Variants in TBC1D32 observed in about 807,000 individuals in gnomAD.
The protein encoded by TBC1D32 is TBC1 domain family member 32.
A neutral mutation model predicts 170.3 loss-of-function variants in TBC1D32; 151 were observed. The observed-to-expected ratio is 0.89, with a 90% CI of 0.78 to 1.01. The LOEUF (loss-of-function observed/expected upper bound fraction) is 1.01. Among genes scored for constraint, TBC1D32 ranks in the 50% least tolerant of loss-of-function variants. TBC1D32 has a pLI of 0.00. For missense variants in TBC1D32, 1,464 were observed against 1,457.1 expected (o/e 1.00, Z -0.08); for synonymous variants, 498 against 488.0 (o/e 1.02, Z -0.27).
In TBC1D32 at chr6:121,317,670, T is replaced by C; in HGVS notation, c.320A>G (p.Tyr107Cys). Residue 107 changes from tyrosine (Y) to cysteine (C), a missense_variant and splice_region_variant, in exon 3 of 32, where the codon TAC becomes TGC. Physicochemically the swap from Tyr to Cys is radical, Grantham distance 194. Transcript: ENST00000398212. ...CTTCAGGTAATGCATCATTTCTTTG[T>C]ACCTTTAAATTCAAGGTAGTCTTAA... ...VTKRTQESKE[Y>C]KEMMHYLKNI... 6.3e-7 allele frequency: 1 copy of C among 1,589,776 alleles called. No individual in the cohort carries two copies. Among genetic ancestry groups the C allele is most frequent in the East Asian group, 2.3e-5 (1 of 43,892 alleles).
chr6:121,113,110 A>G lies in TBC1D32; in HGVS notation c.3121T>C (p.Cys1041Arg), dbSNP rs1779351944. The part of the protein sequence containing the change: ...ENDLTWVLKH[C>R]ERFLKQQQTS... ...TGCTGCTGTTTCAGGAATCTCTCAC[A>G]ATGCTTTAAAACCCAGGTAAGATCA... Residue 1041 changes from cysteine (C) to arginine (R), a missense_variant, in exon 28 of 32, where the codon TGT (cysteine) becomes CGT (arginine). Cys to Arg is a radical substitution (Grantham distance 180). Around this residue, in one of 3 missense-constraint regions of TBC1D32, gnomAD observed 1,363 missense variants for 1,338.1 expected, o/e 1.02. Coordinates refer to ENST00000398212, the MANE Select transcript of TBC1D32 (RefSeq NM_152730.6). 6.2e-7 allele frequency: 1 copy of G among 1,611,844 alleles called. No homozygotes were observed. The highest frequency in any genetic ancestry group is 1.1e-5 in the South Asian group (1 of 90,762).
chr6:121,329,318 C>A (rs1810895478), intron 1 of TBC1D32, among the ~76,000 whole-genome samples: 1 of 151,978 alleles, frequency 6.6e-6, no homozygotes, highest in Admixed American at 6.6e-5. Context: ...CTCATTGGTA[C>A]AAGTTTGTTT....
At chr6:121,110,229 C>T (rs1213801947) in intron 29 of TBC1D32, among the ~76,000 whole-genome samples, 11 of 147,650 alleles carry the variant, frequency 7.5e-5, no homozygotes, top group Middle Eastern at 7.1e-3. Flanking sequence ...CCAGGCTGGG[C>T]GACAGAGTGA....
upstream of TBC1D32, chr6:121,334,487 C>CTGCGCA (rs1345639973): frequency 1.9e-6 from 3 of 1,548,694 alleles, no homozygotes; most frequent in Non-Finnish European, 2.6e-6. Flanking sequence ...AAGCCGCGCA[C>CTGCGCA]TGCGCACGCG....
intron 22 of TBC1D32, among the ~76,000 whole-genome samples, chr6:121,191,914 T>A (rs1336002887): frequency 6.6e-6 from 1 of 151,938 alleles, no homozygotes; most frequent in African/African-American, 2.4e-5. Context: ...AGCCTACATC[T>A]TTCTCCTGTG....
intron 8 of TBC1D32, 140 bp from the exon 9 acceptor site, chr6:121,303,901 A>C: frequency 8.0e-6 from 4 of 500,844 alleles, no homozygotes; most frequent in Non-Finnish European, 1.3e-5. Context: ...ATTCATACTC[A>C]ATGTTTCTGC....
chr6:121,228,570 C>A (rs535828995), intron 20 of TBC1D32, among the ~76,000 whole-genome samples: 2 of 151,830 alleles, frequency 1.3e-5, no homozygotes, highest in South Asian at 4.2e-4. Flanking sequence ...TTTCTAGTTT[C>A]TAGTTCTTGA....
chr6:121,313,105 GGTGTGTGTGT>G (rs71018125), intron 3 of TBC1D32, among the ~76,000 whole-genome samples: 9,304 of 111,012 alleles, frequency 0.084, 478 homozygotes, highest in Middle Eastern at 0.12. Flanking sequence ...AAGCTAAGGT[GGTGTGTGTGT>G]GTGTGTGTGT....
chr6:121,141,002 A>G (rs1468531927), intron 24 of TBC1D32, among the ~76,000 whole-genome samples: 2 of 152,196 alleles, frequency 1.3e-5, no homozygotes, highest in African/African-American at 4.8e-5. Context: ...AATGGAAAAA[A>G]TACAGGAGAA....
chr6:121,081,139 A>C (rs1193507311), intron 31 of TBC1D32, among the ~76,000 whole-genome samples: 3 of 152,194 alleles, frequency 2.0e-5, no homozygotes, highest in Non-Finnish European at 4.4e-5. Context: ...AGCTACCAAA[A>C]AAACAAAAGC....
chr6:121,226,999 G>C (rs1171142481), intron 20 of TBC1D32, among the ~76,000 whole-genome samples: 1 of 149,610 alleles, frequency 6.7e-6, no homozygotes, highest in Non-Finnish European at 1.5e-5. Context: ...GGAAGAAGAA[G>C]AATTGTCTTG....
intron 30 of TBC1D32, among the ~76,000 whole-genome samples, chr6:121,099,450 T>C (rs1328431147): frequency 1.3e-5 from 2 of 151,954 alleles, no homozygotes; most frequent in Non-Finnish European, 2.9e-5. Flanking sequence ...CATTTAATTT[T>C]TTGTACTCTA....
intron 20 of TBC1D32, chr6:121,237,100 T>C (rs1043848651): frequency 1.3e-5 from 2 of 152,036 alleles, no homozygotes; most frequent in African/African-American, 4.8e-5. Flanking sequence ...TCTTAGCCTT[T>C]GTTTATTTTA....
intron 26 of TBC1D32, among the ~76,000 whole-genome samples, chr6:121,119,055 A>G (rs1779986827): frequency 6.6e-6 from 1 of 152,104 alleles, no homozygotes; most frequent in Admixed American, 6.6e-5. Flanking sequence ...CCTGCTCTCT[A>G]TTAACGCTTC....
intron 30 of TBC1D32, among the ~76,000 whole-genome samples, chr6:121,102,532 C>A (rs1778234260): frequency 1.3e-5 from 2 of 152,074 alleles, no homozygotes; most frequent in Non-Finnish European, 2.9e-5. Context: ...AACTGGCTAG[C>A]CATATGTAGA....
At chr6:121,127,368 T>A (rs1192224816) in intron 25 of TBC1D32, among the ~76,000 whole-genome samples, 1 of 152,196 alleles carries the variant, frequency 6.6e-6, no homozygotes, top group Non-Finnish European at 1.5e-5. Context: ...TCTCATAATA[T>A]TTTAATGGCT....
rs1583586217 is a variant in TBC1D32 at position 121,289,025 on chromosome 6, T to C, written c.1372+3028A>G. On this transcript the variant is annotated intron_variant, in intron 12 of 31. Transcript: ENST00000398212. ...ATCTCAAAATAATAAGAGCTATCTA[T>C]GACAAACCTACAGCCAATATCATAC... Among the ~76,000 whole-genome samples the C allele has an allele frequency of 2.0e-5, 3 of 152,286 alleles. No individual in the cohort carries two copies. In the South Asian group the frequency reaches 6.2e-4, roughly 32 times the overall value.
chr6:121,220,135 G>A (rs959895938), intron 21 of TBC1D32, among the ~76,000 whole-genome samples: 1 of 152,154 alleles, frequency 6.6e-6, no homozygotes, highest in African/African-American at 2.4e-5. Flanking sequence ...AAAGTTGAGT[G>A]TCTCTCACTG....
At chr6:121,131,493 T>C in intron 25 of TBC1D32, 134 bp downstream of exon 25, 2 of 885,204 alleles carry the variant, frequency 2.3e-6, no homozygotes, top group South Asian at 4.5e-5. Context: ...ATCCCAATTT[T>C]CTCAGAAATC....
Sources: gnomAD v4.1 joint callset for allele counts (sites outside exome capture counted in the v4.1 genomes callset) on GRCh38, gnomAD v4.1.1 for gene constraint, gnomAD v4.1.1 regional missense constraint, MANE v1.5 for transcripts, NCBI Gene and HGNC (gene_info 2026-07-23, HGNC 2026-07-21) for gene names.